Variants in PSMD14 observed in about 807,000 individuals in gnomAD.
PSMD14 encodes the protein proteasome 26S subunit, non-ATPase 14.
PSMD14 carries 7 observed loss-of-function variants against 41.2 expected under a neutral mutation model. That is an observed-to-expected ratio of 0.17 (90% CI 0.10 to 0.32). PSMD14 has a LOEUF of 0.32. Among genes scored for constraint, PSMD14 ranks in the 10% least tolerant of loss-of-function variants. PSMD14 has a pLI of 1.00. For synonymous variants in PSMD14, 114 were observed against 122.3 expected (o/e 0.93, Z 0.45); for missense variants, 139 against 375.6 (o/e 0.37, Z 5.21).
chr2:161,394,274 G>A (rs968605868), intron 9 of PSMD14, among the ~76,000 whole-genome samples: 15 of 152,100 alleles, frequency 9.9e-5, no homozygotes, highest in Non-Finnish European at 2.1e-4. Context: ...GCCCGGCCTA[G>A]ATAAATCTTT....
chr2:161,315,396 T>A (rs1689136157), intron 1 of PSMD14, among the ~76,000 whole-genome samples: 1 of 152,210 alleles, frequency 6.6e-6, no homozygotes, highest in Admixed American at 6.5e-5. Context: ...TGTAGTAATG[T>A]GAAACATTTT....
At chr2:161,395,296 C>A (rs1040458882) in intron 10 of PSMD14, 93 bp downstream of exon 10, 4 of 1,164,768 alleles carry the variant, frequency 3.4e-6, no homozygotes, top group Admixed American at 3.3e-5. Flanking sequence ...AATAGAGAAT[C>A]CTGTTTTGTA....
chr2:161,313,511 G>T (rs1213424468), intron 1 of PSMD14, among the ~76,000 whole-genome samples: 1 of 152,052 alleles, frequency 6.6e-6, no homozygotes, highest in Non-Finnish European at 1.5e-5. Context: ...CACTATGTCT[G>T]GCTAATTTTT....
chr2:161,393,861 T>C, intron 9 of PSMD14, among the ~76,000 whole-genome samples: 1 of 151,996 alleles, frequency 6.6e-6, no homozygotes, highest in Non-Finnish European at 1.5e-5. Flanking sequence ...TAAGAATAAG[T>C]ACTCAGAATT....
intron 7 of PSMD14, 123 bp downstream of exon 7, chr2:161,371,445 T>C: frequency 1.0e-6 from 1 of 981,826 alleles, no homozygotes; most frequent in South Asian, 2.6e-5. Flanking sequence ...GTCTGTTTAC[T>C]TAAAAAACAA....
intron 3 of PSMD14, among the ~76,000 whole-genome samples, chr2:161,361,732 T>A (rs1683291648): frequency 6.6e-6 from 1 of 152,160 alleles, no homozygotes; most frequent in African/African-American, 2.4e-5. Flanking sequence ...TGAAGAAAGG[T>A]AAGGTGAGTG....
At chr2:161,367,242 C>T (rs867854676) in intron 3 of PSMD14, among the ~76,000 whole-genome samples, 9 of 152,210 alleles carry the variant, frequency 5.9e-5, no homozygotes, top group Admixed American at 1.3e-4. Flanking sequence ...TTGGCATTGC[C>T]GAAAGACTTA....
At chr2:161,310,783 C>T (rs991238893) in intron 1 of PSMD14, among the ~76,000 whole-genome samples, 1 of 152,110 alleles carries the variant, frequency 6.6e-6, no homozygotes, top group South Asian at 2.1e-4. Context: ...GGTGGTGACG[C>T]CGGATTCAAA....
Position 161,411,237 on chromosome 2 carries a change from A to AT in PSMD14, c.835-62dup, listed in dbSNP as rs1422885000. ...CTAGTTTCATCAGCTACTGAAAAAA[A>AT]TTTAAGTAATTTATCTACCAGTAAT... is the stretch of plus-strand genomic sequence containing the variant. On this transcript the variant is annotated intron_variant, in intron 11 of 11. Transcript: ENST00000409682. 23 of 1,106,056 alleles carry AT rather than the reference A, an allele frequency of 2.1e-5. No individual in the cohort carries two copies. The African/African-American group carries it at 3.4e-4, about 16-fold the overall frequency. The allele number at this position is 1,106,056 out of a possible 1,614,324, so 68.5% of individuals were successfully genotyped here.
Position 161,411,443 on chromosome 2 carries a change from C to T in PSMD14, c.*43C>T, listed in dbSNP as rs1450766764. The stretch of plus-strand genomic sequence containing the variant: ...TTAATGATGCCTTCAGTGTATATTC[C>T]TCTGTTGTTCCTAATGCTCAAAATC... On this transcript the variant is annotated 3_prime_UTR_variant, in exon 12 of 12. Coordinates refer to ENST00000409682, the MANE Select transcript of PSMD14 (RefSeq NM_005805.6). 7.2e-7 allele frequency: 1 copy of T among 1,381,710 alleles called. No homozygotes were observed. Among genetic ancestry groups the T allele is most frequent in the Non-Finnish European group, 1.0e-6 (1 of 999,134 alleles). The allele number at this position is 1,381,710 out of a possible 1,614,324, so 85.6% of individuals were successfully genotyped here.
chr2:161,396,488 T>C (rs1683798134), intron 10 of PSMD14, among the ~76,000 whole-genome samples: 1 of 152,182 alleles, frequency 6.6e-6, no homozygotes, highest in Non-Finnish European at 1.5e-5. Flanking sequence ...ACAACATGGA[T>C]AAACCTGTAG....
At chr2:161,325,167 T>C (rs940573341) in intron 3 of PSMD14, among the ~76,000 whole-genome samples, 5 of 152,172 alleles carry the variant, frequency 3.3e-5, no homozygotes, top group African/African-American at 1.2e-4. Flanking sequence ...TGCCTGTAAG[T>C]TGTCACTTTG....
chr2:161,354,981 A>G (rs186009851), intron 3 of PSMD14, among the ~76,000 whole-genome samples: 69 of 152,314 alleles, frequency 4.5e-4, no homozygotes, highest in Admixed American at 3.9e-3. Flanking sequence ...TAGGCCTAGG[A>G]AAAGAAACTT....
At chr2:161,329,246 A>G (rs1378671281) in intron 3 of PSMD14, among the ~76,000 whole-genome samples, 1 of 152,124 alleles carries the variant, frequency 6.6e-6, no homozygotes, top group African/African-American at 2.4e-5. Context: ...TTATTGTTCT[A>G]TTTTTATTCT....
chr2:161,337,962 C>A (rs1682892532), intron 3 of PSMD14, among the ~76,000 whole-genome samples: 1 of 151,972 alleles, frequency 6.6e-6, no homozygotes, highest in African/African-American at 2.4e-5. Flanking sequence ...TTAATTGTTA[C>A]AAGAATAAAA....
At chr2:161,349,624 G>A (rs188586078) in intron 3 of PSMD14, among the ~76,000 whole-genome samples, 224 of 152,290 alleles carry the variant, frequency 1.5e-3, no homozygotes, top group Non-Finnish European at 2.5e-3. Flanking sequence ...CCTATGTGAA[G>A]TTACAAACAA....
At chr2:161,383,457 G>T (rs1253498746) in intron 7 of PSMD14, 4 of 151,766 alleles carry the variant, frequency 2.6e-5, no homozygotes, top group Non-Finnish European at 4.4e-5. Context: ...TAAAAAATTT[G>T]TTTTTAACAG....
chr2:161,330,483 T>C (rs911887605), intron 3 of PSMD14, among the ~76,000 whole-genome samples: 1 of 152,244 alleles, frequency 6.6e-6, no homozygotes. Flanking sequence ...ATTTGGCACA[T>C]TGATCTTCGG....
intron 3 of PSMD14, among the ~76,000 whole-genome samples, chr2:161,326,111 C>T (rs1190354083): frequency 6.6e-6 from 1 of 152,164 alleles, no homozygotes; most frequent in East Asian, 1.9e-4. Context: ...GATCTTGGCT[C>T]ATTGCAACCT....
Sources: allele counts gnomAD v4.1 joint callset (sites outside exome capture counted in the v4.1 genomes callset), GRCh38; gene constraint gnomAD v4.1.1; transcripts MANE v1.5; gene names NCBI Gene and HGNC (gene_info 2026-07-23, HGNC 2026-07-21).